MORC1: variants seen among roughly 807,000 people sequenced by gnomAD.
The protein encoded by MORC1 is MORC family CW-type zinc finger 1, also known as MORC family CW-type zinc finger protein 1.
A neutral mutation model predicts 134.9 loss-of-function variants in MORC1; 59 were observed. The ratio of observed to expected loss-of-function variants is 0.44; its 90% CI spans 0.35 to 0.54. The LOEUF (loss-of-function observed/expected upper bound fraction) is 0.54, where lower values mean the gene tolerates loss of function less well. Ranked by LOEUF, MORC1 falls within the 20% of genes least tolerant of loss-of-function variation. MORC1 has a pLI of 0.00. For missense variants in MORC1, 947 were observed against 1,134.5 expected, an observed-to-expected ratio of 0.83 and a Z score of 2.37; for synonymous variants, 395 against 391.7, an observed-to-expected ratio of 1.01 and a Z score of -0.10.
At chr3:108,962,791 T>C (rs1459654490) in intron 27 of MORC1, among the ~76,000 whole-genome samples, 1 of 117,474 alleles carries the variant, frequency 8.5e-6, no homozygotes, top group African/African-American at 3.0e-5. Context: ...ACCTATCACA[T>C]AACTCAATTC....
At chr3:109,054,951 C>A in intron 13 of MORC1, 69 bp from the exon 14 acceptor site, 2 of 1,318,328 alleles carry the variant, frequency 1.5e-6, no homozygotes, top group South Asian at 2.8e-5. Context: ...ATATTCTGGT[C>A]ATTTGAAATC....
intron 16 of MORC1, among the ~76,000 whole-genome samples, chr3:109,028,506 T>C (rs1160927084): frequency 6.6e-6 from 1 of 152,178 alleles, no homozygotes; most frequent in Non-Finnish European, 1.5e-5. Context: ...GCCTTACAGA[T>C]ATGCTGTTCT....
intron 2 of MORC1, among the ~76,000 whole-genome samples, chr3:109,111,050 T>TAAAAAAAAAAAAAAAAAAAAAAAAAATA (rs11344763): frequency 8.8e-6 from 1 of 113,864 alleles, no homozygotes; most frequent in Non-Finnish European, 1.8e-5. Flanking sequence ...GGATATAATT[T>TAAAAAAAAAAAAAAAAAAAAAAAAAATA]AAAAAAAAAA....
At chr3:109,046,264 GGGCTACA>G (rs1350973597) in intron 14 of MORC1, among the ~76,000 whole-genome samples, 3 of 152,178 alleles carry the variant, frequency 2.0e-5, no homozygotes, top group Non-Finnish European at 4.4e-5. Flanking sequence ...AGAAGGGAGA[GGGCTACA>G]GGCCTCATTA....
chr3:108,996,308 A>ACACACACACACACACACACACACACAC (rs1553745343), intron 21 of MORC1, among the ~76,000 whole-genome samples: 3 of 151,328 alleles, frequency 2.0e-5, no homozygotes, highest in African/African-American at 7.3e-5. Context: ...ACACACACAC[A>ACACACACACACACACACACACACACAC]ACTAGAATTT....
chr3:109,098,182 A>C (rs1375486523), intron 6 of MORC1, among the ~76,000 whole-genome samples: 1 of 151,946 alleles, frequency 6.6e-6, no homozygotes, highest in Non-Finnish European at 1.5e-5. Flanking sequence ...AGTAGCTGGG[A>C]CTACAGATGC....
In MORC1 at chr3:109,032,048, T is replaced by TA. The variant is rs1280222571; in HGVS notation, c.1565+671dup. 1.1e-4 allele frequency among the ~76,000 whole-genome samples: 17 copies of TA among 152,138 alleles called. 1 individual carries two copies. In the East Asian group the frequency reaches 3.1e-3, roughly 28 times the overall value. On this transcript the variant is annotated intron_variant, in intron 16 of 27. Transcript: ENST00000232603. ...TTTGCTCTTCTTTTTCAGAGCTAGATAAAAAAATAACCAAACAGGAGTTAT... is the reference window on the plus strand; with the variant it reads ...TTTGCTCTTCTTTTTCAGAGCTAGATAAAAAAAATAACCAAACAGGAGTTAT...
intron 17 of MORC1, among the ~76,000 whole-genome samples, chr3:109,025,233 A>C (rs1949045267): frequency 6.6e-6 from 1 of 152,138 alleles, no homozygotes; most frequent in African/African-American, 2.4e-5. Context: ...TGAAAGAACA[A>C]ATCAGTGTTC....
chr3:109,015,982 G>A (rs1948808685), intron 17 of MORC1, among the ~76,000 whole-genome samples: 1 of 152,070 alleles, frequency 6.6e-6, no homozygotes, highest in Non-Finnish European at 1.5e-5. Flanking sequence ...GTTATCTAGG[G>A]AACCCAAGTC....
intron 21 of MORC1, 96 bp from the exon 22 acceptor site, chr3:108,987,045 A>G: frequency 1.2e-6 from 1 of 853,086 alleles, no homozygotes; most frequent in Admixed American, 3.3e-5. Context: ...CCAGCAGAAA[A>G]GAAATCATAA....
intron 13 of MORC1, among the ~76,000 whole-genome samples, chr3:109,055,192 A>G (rs1949928831): frequency 6.6e-6 from 1 of 152,148 alleles, no homozygotes; most frequent in Non-Finnish European, 1.5e-5. Context: ...GACATTAAAA[A>G]CCATGGTGCC....
At chr3:109,076,798 AG>A (rs998683709) in intron 8 of MORC1, among the ~76,000 whole-genome samples, 33 of 152,220 alleles carry the variant, frequency 2.2e-4, no homozygotes, top group Middle Eastern at 3.4e-3. Flanking sequence ...GGACACAGGG[AG>A]GGGAACATCA....
rs963050787 is a variant in MORC1 at position 109,020,593 on chromosome 3, C to T, written c.1704+7158G>A. Among the ~76,000 whole-genome samples the T allele has an allele frequency of 2.4e-4, 36 of 152,030 alleles. 1 individual carries two copies. Among genetic ancestry groups the T allele is most frequent in the Middle Eastern group, 3.4e-3 (1 of 294 alleles). On this transcript the variant is annotated intron_variant, in intron 17 of 27. Coordinates refer to ENST00000232603, the MANE Select transcript of MORC1 (RefSeq NM_014429.4). ...CATCCTGGCTAACACGGTGAAACCC[C>T]GTCTCTACTAAAAATACAAAAAATT...
At chr3:109,011,979 T>A (rs1576630513) in intron 17 of MORC1, among the ~76,000 whole-genome samples, 1 of 152,378 alleles carries the variant, frequency 6.6e-6, no homozygotes, top group African/African-American at 2.4e-5. Context: ...ATTTAAAAAA[T>A]TTTCTTTTTA....
chr3:109,106,772 C>T (rs1019968475), intron 3 of MORC1, among the ~76,000 whole-genome samples: 3 of 152,168 alleles, frequency 2.0e-5, no homozygotes, highest in Non-Finnish European at 4.4e-5. Flanking sequence ...ATACAGACAC[C>T]ATCTCCTTTC....
At chr3:109,011,389 T>C (rs367575065) in intron 17 of MORC1, among the ~76,000 whole-genome samples, 2 of 152,224 alleles carry the variant, frequency 1.3e-5, no homozygotes, top group Non-Finnish European at 2.9e-5. Flanking sequence ...TAATTTGCAG[T>C]TCCCTTAATG....
chr3:109,067,268 T>C lies in MORC1; in HGVS notation c.815+2364A>G, dbSNP rs183208932. ...TGCCTAAAATCAAGTAACACAACCA[T>C]ATAATAACTTGTCTTTATTATATAA... On this transcript the variant is annotated intron_variant, in intron 9 of 27. Transcript: ENST00000232603. Among the ~76,000 whole-genome samples the C allele has an allele frequency of 1.7e-3, 264 of 152,348 alleles. 2 individuals are homozygous for C. Among genetic ancestry groups the C allele is most frequent in the Non-Finnish European group, 2.8e-3 (191 of 68,032 alleles).
chr3:109,106,700 A>G (rs1268476268), intron 3 of MORC1, among the ~76,000 whole-genome samples: 1 of 151,836 alleles, frequency 6.6e-6, no homozygotes, highest in African/African-American at 2.4e-5. Flanking sequence ...GGTCCTCTCA[A>G]TTTCACTGCC....
intron 23 of MORC1, 61 bp downstream of exon 23, chr3:108,984,655 A>G (rs1454282097): frequency 8.1e-7 from 1 of 1,229,524 alleles, no homozygotes; most frequent in East Asian, 2.6e-5. Flanking sequence ...AAACATTGAT[A>G]ATTACTTTTC....
Sources: allele counts gnomAD v4.1 joint callset (sites outside exome capture counted in the v4.1 genomes callset), GRCh38; gene constraint gnomAD v4.1.1; transcripts MANE v1.5; gene names NCBI Gene and HGNC (gene_info 2026-07-23, HGNC 2026-07-21).